The following UNC13C variants were observed in gnomAD, a reference collection of about 807,000 sequenced individuals.
UNC13C encodes the protein unc-13 homolog C.
A neutral mutation model predicts 245.4 loss-of-function variants in UNC13C; 174 were observed. That is an observed-to-expected ratio of 0.71 (90% CI 0.63 to 0.80). The LOEUF (loss-of-function observed/expected upper bound fraction) is 0.80. Among genes scored for constraint, UNC13C ranks in the 30% least tolerant of loss-of-function variants. The pLI is 0.00. For synonymous variants in UNC13C, 992 were observed against 895.1 expected (o/e 1.11, Z -1.93); for missense variants, 2,829 against 2,602.9 (o/e 1.09, Z -1.89).
chr15:53,879,929 A>T, the UNC13C span, among the ~76,000 whole-genome samples: 1 of 151,490 alleles, frequency 6.6e-6, no homozygotes, highest in East Asian at 1.9e-4. Context: ...GTGGAAAAAA[A>T]TTTATCATGC....
intron 26 of UNC13C, among the ~76,000 whole-genome samples, chr15:54,538,157 A>C (rs1429645960): frequency 1.3e-4 from 19 of 147,500 alleles, no homozygotes; most frequent in Admixed American, 2.0e-4. Flanking sequence ...AAAAAAAAAA[A>C]AAAAAAACCC....
At chr15:54,030,015 C>T (rs1896288766) in intron 2 of UNC13C, among the ~76,000 whole-genome samples, 1 of 152,186 alleles carries the variant, frequency 6.6e-6, no homozygotes, top group Admixed American at 6.5e-5. Context: ...TTCAGGGCAG[C>T]ACACTGAACC....
At chr15:54,411,235 G>A (rs1312377728) in intron 18 of UNC13C, among the ~76,000 whole-genome samples, 1 of 151,996 alleles carries the variant, frequency 6.6e-6, no homozygotes, top group African/African-American at 2.4e-5. Context: ...TATATATCCT[G>A]ATATAAGTCC....
chr15:53,871,071 C>T, the UNC13C span, among the ~76,000 whole-genome samples: 1 of 152,182 alleles, frequency 6.6e-6, no homozygotes, highest in Non-Finnish European at 1.5e-5. Context: ...TCCAAAATTA[C>T]CTGCCCCACT....
At chr15:54,549,205 G>C (rs1348501997) in intron 27 of UNC13C, among the ~76,000 whole-genome samples, 2 of 152,118 alleles carry the variant, frequency 1.3e-5, no homozygotes, top group African/African-American at 4.8e-5. Context: ...GAGGGTAGTC[G>C]CTAATAGACT....
At chr15:54,134,511 TG>T (rs536907582) in intron 2 of UNC13C, among the ~76,000 whole-genome samples, 58 of 152,202 alleles carry the variant, frequency 3.8e-4, no homozygotes, top group African/African-American at 1.2e-3. Flanking sequence ...TTTTGTTTTT[TG>T]TTTTTTGTTT....
intron 2 of UNC13C, among the ~76,000 whole-genome samples, chr15:54,123,963 G>A (rs2030855765): frequency 6.6e-6 from 1 of 152,042 alleles, no homozygotes; most frequent in Non-Finnish European, 1.5e-5. Context: ...CTGACCTTTG[G>A]AGACTGGCTT....
the UNC13C span, among the ~76,000 whole-genome samples, chr15:53,937,719 G>C: frequency 6.6e-6 from 1 of 152,228 alleles, no homozygotes; most frequent in Middle Eastern, 3.4e-3. Context: ...AAGAGAGTGG[G>C]GGCCAATATT....
the UNC13C span, among the ~76,000 whole-genome samples, chr15:53,918,586 GCTGAGCACAGGGACTGTCCCCGTT>G: frequency 6.6e-6 from 1 of 152,216 alleles, no homozygotes; most frequent in Non-Finnish European, 1.5e-5. Flanking sequence ...CCAAGGCAGT[GCTGAGCACAGGGACTGTCCCCGTT>G]CTTGTAGCTG....
intron 10 of UNC13C, among the ~76,000 whole-genome samples, chr15:54,280,508 T>C (rs2036950275): frequency 6.6e-6 from 1 of 151,368 alleles, no homozygotes; most frequent in Non-Finnish European, 1.5e-5. Context: ...TGGATACAGC[T>C]ATCACAATAA....
At chr15:54,221,161 T>G (rs1046214612) in intron 4 of UNC13C, among the ~76,000 whole-genome samples, 3 of 152,044 alleles carry the variant, frequency 2.0e-5, no homozygotes, top group African/African-American at 7.2e-5. Flanking sequence ...CATACATAGA[T>G]TTTTCGTGTC....
At chr15:53,850,727 C>A in the UNC13C span, among the ~76,000 whole-genome samples, 1 of 152,122 alleles carries the variant, frequency 6.6e-6, no homozygotes, top group Non-Finnish European at 1.5e-5. Context: ...CCATTTCCAT[C>A]AAATTTGGAT....
intron 4 of UNC13C, among the ~76,000 whole-genome samples, chr15:54,144,480 C>G (rs773766737): frequency 2.0e-5 from 3 of 151,990 alleles, no homozygotes; most frequent in Non-Finnish European, 4.4e-5. Context: ...GAGGTAAGTA[C>G]TATTTTGACT....
chr15:53,882,121 A>T, the UNC13C span, among the ~76,000 whole-genome samples: 4 of 152,210 alleles, frequency 2.6e-5, no homozygotes, highest in Admixed American at 6.5e-5. Flanking sequence ...ATTAATTAGG[A>T]GAGTGCAGTT....
At chr15:54,000,863 A>C (rs1263278270) in intron 1 of UNC13C, among the ~76,000 whole-genome samples, 1 of 152,154 alleles carries the variant, frequency 6.6e-6, no homozygotes, top group African/African-American at 2.4e-5. Context: ...CAATATTCCT[A>C]GTTTCTTGTT....
At chr15:54,618,381 T>C (rs1900576950) in intron 30 of UNC13C, among the ~76,000 whole-genome samples, 1 of 152,162 alleles carries the variant, frequency 6.6e-6, no homozygotes. Flanking sequence ...TGTAGGCTAA[T>C]CCCTATGGAT....
chr15:54,263,229 C>CA (rs904315752), intron 8 of UNC13C, among the ~76,000 whole-genome samples: 1 of 152,092 alleles, frequency 6.6e-6, no homozygotes, highest in African/African-American at 2.4e-5. Context: ...GCTTCTGTAC[C>CA]AAAAAAAGTT....
chr15:53,922,331 G>C, the UNC13C span, among the ~76,000 whole-genome samples: 4 of 152,288 alleles, frequency 2.6e-5, no homozygotes, highest in East Asian at 7.7e-4. Flanking sequence ...ATGTTTAATC[G>C]ATATTAATAG....
intron 17 of UNC13C, among the ~76,000 whole-genome samples, chr15:54,377,281 TTCTGCCATATTCTA>T (rs2039626723): frequency 1.3e-5 from 2 of 152,296 alleles, no homozygotes; most frequent in East Asian, 3.9e-4. Flanking sequence ...AATAGATCAA[TTCTGCCATATTCTA>T]TTGGTCAAAG....
Sources: allele counts gnomAD v4.1 joint callset (sites outside exome capture counted in the v4.1 genomes callset), GRCh38; gene constraint gnomAD v4.1.1; transcripts MANE v1.5; gene names NCBI Gene and HGNC (gene_info 2026-07-23, HGNC 2026-07-21).